SLC22A4: variants seen among roughly 807,000 people sequenced by gnomAD.
SLC22A4 encodes ET transporter.
In SLC22A4, 39 loss-of-function variants were observed where a neutral mutation model predicts 56.6. That is an observed-to-expected ratio of 0.69 (90% CI 0.53 to 0.90). The LOEUF (loss-of-function observed/expected upper bound fraction) is 0.90. SLC22A4 is among the 40% of genes least tolerant of loss of function. The probability of loss-of-function intolerance (pLI) is 0.00; values close to 1 mark genes in which losing one functional copy is unlikely to be tolerated. For synonymous variants in SLC22A4, 241 were observed against 281.4 expected, an observed-to-expected ratio of 0.86 and a Z score of 1.44; for missense variants, 594 against 696.5, an observed-to-expected ratio of 0.85 and a Z score of 1.66.
At chr5:132,338,483 C>G (rs943271776) in intron 8 of SLC22A4, among the ~76,000 whole-genome samples, 11 of 152,056 alleles carry the variant, frequency 7.2e-5, no homozygotes, top group African/African-American at 2.7e-4. Flanking sequence ...CCGGTCTGAC[C>G]AAAATTTATT....
chr5:132,314,071 C>G (rs1283748999), intron 3 of SLC22A4, among the ~76,000 whole-genome samples: 1 of 152,154 alleles, frequency 6.6e-6, no homozygotes, highest in East Asian at 1.9e-4. Context: ...CAGAGGAGGA[C>G]AGTTTAGGGG....
intron 1 of SLC22A4, among the ~76,000 whole-genome samples, chr5:132,306,410 T>A (rs1750036379): frequency 1.5e-5 from 1 of 65,686 alleles, no homozygotes; most frequent in Non-Finnish European, 2.9e-5. Context: ...TATATATATA[T>A]ATATATATAT....
At chr5:132,307,758 C>A (rs1053994155) in intron 1 of SLC22A4, among the ~76,000 whole-genome samples, 2 of 152,170 alleles carry the variant, frequency 1.3e-5, no homozygotes, top group Admixed American at 1.3e-4. Context: ...AAGTTGCAGA[C>A]CCCGAGAAAG....
intron 1 of SLC22A4, among the ~76,000 whole-genome samples, chr5:132,297,793 A>T (rs1157924608): frequency 6.6e-6 from 1 of 152,022 alleles, no homozygotes; most frequent in Non-Finnish European, 1.5e-5. Flanking sequence ...AAAAATAAAT[A>T]AAAAATTAGC....
intron 5 of SLC22A4, among the ~76,000 whole-genome samples, chr5:132,328,828 TATATATATATACACACAC>T (rs1285489157): frequency 3.2e-4 from 6 of 18,476 alleles, no homozygotes; most frequent in Non-Finnish European, 5.7e-4. Context: ...TGCCTTTATA[TATATATATATACACACAC>T]ACACACACAC....
intron 5 of SLC22A4, among the ~76,000 whole-genome samples, chr5:132,328,079 A>G (rs753134539): frequency 6.6e-6 from 1 of 152,204 alleles, no homozygotes; most frequent in African/African-American, 2.4e-5. Flanking sequence ...GATTAGATAA[A>G]AAGATAAAGA....
chr5:132,294,468 G>A lies in SLC22A4; in HGVS notation c.-149G>A. Reference sequence around the variant, plus strand: ...CGCCTTCAGCCTGTTTCCCAGGAACGGTCCCCGGCTTCGCGCCCCAATTTC... The same window carrying A: ...CGCCTTCAGCCTGTTTCCCAGGAACAGTCCCCGGCTTCGCGCCCCAATTTC... On this transcript the variant is annotated 5_prime_UTR_variant, in exon 1 of 10. Coordinates refer to ENST00000200652, the MANE Select transcript of SLC22A4 (RefSeq NM_003059.3). This position sits in a 1 kb window ranked among gnomAD's most constrained non-coding sequence, Gnocchi z 5.6. The A allele has an allele frequency of 9.2e-7, 1 of 1,084,880 alleles. No homozygotes were observed. The highest frequency in any genetic ancestry group is 1.3e-6 in the Non-Finnish European group (1 of 746,910). The allele number at this position is 1,084,880 out of a possible 1,614,324, so 67.2% of individuals were successfully genotyped here.
intron 3 of SLC22A4, among the ~76,000 whole-genome samples, chr5:132,315,498 G>A (rs1750320521): frequency 1.3e-5 from 2 of 152,186 alleles, no homozygotes; most frequent in Admixed American, 1.3e-4. Flanking sequence ...GTGTGAGCGG[G>A]TGAGGCAGGG....
chr5:132,328,923 A>ATATG (rs1210280679), intron 5 of SLC22A4, among the ~76,000 whole-genome samples: 2 of 22,052 alleles, frequency 9.1e-5, no homozygotes, highest in East Asian at 9.3e-4. Context: ...ATATATATAT[A>ATATG]TATATATACA....
At chr5:132,298,830 G>A (rs1456372777) in intron 1 of SLC22A4, among the ~76,000 whole-genome samples, 1 of 152,204 alleles carries the variant, frequency 6.6e-6, no homozygotes, top group Non-Finnish European at 1.5e-5. Flanking sequence ...TCCACTGGCT[G>A]GGGACAGTGG....
chr5:132,307,148 C>T (rs949098228), intron 1 of SLC22A4, among the ~76,000 whole-genome samples: 1 of 150,942 alleles, frequency 6.6e-6, no homozygotes, highest in Non-Finnish European at 1.5e-5. Flanking sequence ...AAGTAATTAA[C>T]TAGCCATGTT....
chr5:132,313,666 A>G lies in SLC22A4; in HGVS notation c.550A>G (p.Ser184Gly). Residue 184 changes from serine (S) to glycine (G), a missense_variant, in exon 3 of 10, where the codon AGC becomes GGC. Physicochemically the swap from Ser to Gly is moderately conservative, Grantham distance 56. Transcript: ENST00000200652. ...FATMAVQTGF[S>G]FLQIFSISWE... ...AACCATGGCTGTACAGACTGGCTTC[A>G]GCTTCCTGCAGATTTTCTCCATCAG... 6.2e-7 allele frequency: 1 copy of G among 1,614,212 alleles called. No individual in the cohort carries two copies. The highest frequency in any genetic ancestry group is 1.1e-5 in the South Asian group (1 of 91,088).
intron 1 of SLC22A4, chr5:132,295,573 G>A (rs576443318): frequency 1.0e-5 from 3 of 299,350 alleles, no homozygotes; most frequent in South Asian, 2.9e-5. Flanking sequence ...CACAGAAGGC[G>A]AAACCCCAGC....
rs1392209183 is a variant in SLC22A4, at chr5:132,322,332, A to C, written c.801A>C (p.Gly267=). The C allele has an allele frequency of 6.2e-7, 1 of 1,613,556 alleles. No homozygotes were observed. Among genetic ancestry groups the C allele is most frequent in the Non-Finnish European group, 8.5e-7 (1 of 1,179,940 alleles). Residue 267 remains glycine (G), a synonymous_variant, in exon 4 of 10, where the codon GGA becomes GGC. Transcript: ENST00000200652. ...TGCTGCTGGCGCTGACGGTGCCGGG[A>C]GTGCTGTGTGTCCCGCTGTGGTGGT... ...RMLLLALTVP[G]VLCVPLWWFI...
Position 132,338,877 on chromosome 5 carries a change from C to T in SLC22A4, c.1445-1688C>T, listed in dbSNP as rs370404155. Among the ~76,000 whole-genome samples the T allele has an allele frequency of 2.0e-4, 31 of 152,270 alleles. No homozygotes were observed. In the South Asian group the frequency reaches 6.0e-3, roughly 30 times the overall value. On this transcript the variant is annotated intron_variant, in intron 8 of 9. Coordinates refer to ENST00000200652, the MANE Select transcript of SLC22A4 (RefSeq NM_003059.3). ...GCAGTTAACGCAATCATCACAGGGT[C>T]CTGAGGCGACATACATCCTCCTCAG...
Position 132,294,522 on chromosome 5 carries a change from T to C in SLC22A4, c.-95T>C. ...CAGCCTGCCTGTCCCCCGGGAACGT[T>C]CTAACATCCTTGGGGAGCGCCCCAG... On this transcript the variant is annotated 5_prime_UTR_variant, in exon 1 of 10. Transcript: ENST00000200652. The surrounding 1 kb of genome is among the most constrained non-coding windows in gnomAD (Gnocchi z 5.6). 9 of 1,565,772 alleles carry C rather than the reference T, an allele frequency of 5.7e-6. No individual in the cohort carries two copies. Among genetic ancestry groups the C allele is most frequent in the Non-Finnish European group, 8.7e-7 (1 of 1,143,192 alleles).
intron 9 of SLC22A4, 86 bp from the exon 10 acceptor site, chr5:132,343,674 T>C (rs1244451342): frequency 2.5e-6 from 2 of 813,996 alleles, no homozygotes; most frequent in Non-Finnish European, 4.2e-6. Context: ...ATTGGAGAAA[T>C]ATTTTTCAAT....
At chr5:132,342,417 T>C (rs1751246696) in intron 9 of SLC22A4, among the ~76,000 whole-genome samples, 1 of 152,242 alleles carries the variant, frequency 6.6e-6, no homozygotes, top group Non-Finnish European at 1.5e-5. Context: ...ACATCTTTTT[T>C]TGGCTTATGA....
Position 132,294,607 on chromosome 5 carries a change from A to G in SLC22A4, c.-10A>G. 6.2e-7 allele frequency: 1 copy of G among 1,614,162 alleles called. No individual in the cohort carries two copies. The highest frequency in any genetic ancestry group is 8.5e-7 in the Non-Finnish European group (1 of 1,180,030). On this transcript the variant is annotated 5_prime_UTR_variant, in exon 1 of 10. Transcript: ENST00000200652. This position sits in a 1 kb window ranked among gnomAD's most constrained non-coding sequence, Gnocchi z 5.6. ...CCGTAGTTGCAAGTTTCGGAGCGGC[A>G]GTGGGAAGCATGCGGGACTACGACG... is the stretch of plus-strand genomic sequence containing the variant.
Sources: gnomAD v4.1 joint callset for allele counts (sites outside exome capture counted in the v4.1 genomes callset) on GRCh38, gnomAD v4.1.1 for gene constraint, Gnocchi (gnomAD v3.1) non-coding constraint, MANE v1.5 for transcripts, NCBI Gene and HGNC (gene_info 2026-07-23, HGNC 2026-07-21) for gene names.